KDM4C: variants seen among roughly 807,000 people sequenced by gnomAD.
KDM4C encodes lysine demethylase 4C.
KDM4C carries 81 observed loss-of-function variants against 129.3 expected under a neutral mutation model. The ratio of observed to expected loss-of-function variants is 0.63; its 90% CI spans 0.52 to 0.75. The LOEUF (loss-of-function observed/expected upper bound fraction) is 0.75. Ranked by LOEUF, KDM4C falls within the 30% of genes least tolerant of loss-of-function variation. KDM4C has a pLI of 0.00. For missense variants in KDM4C, 1,457 were observed against 1,304.0 expected (o/e 1.12, Z -1.81); for synonymous variants, 573 against 456.1 (o/e 1.26, Z -3.26).
intron 1 of KDM4C, among the ~76,000 whole-genome samples, chr9:6,781,057 A>G (rs1382170903): frequency 2.6e-5 from 4 of 151,908 alleles, no homozygotes; most frequent in African/African-American, 7.3e-5. Context: ...CCCTCATGGC[A>G]TTGTCTCTGC....
At chr9:7,076,156 G>A (rs1833886079) in intron 17 of KDM4C, among the ~76,000 whole-genome samples, 1 of 151,804 alleles carries the variant, frequency 6.6e-6, no homozygotes, top group Non-Finnish European at 1.5e-5. Flanking sequence ...CCATCCTACT[G>A]TAATAAACCA....
intron 1 of KDM4C, among the ~76,000 whole-genome samples, chr9:6,761,231 A>G (rs1435191608): frequency 6.7e-6 from 1 of 149,804 alleles, no homozygotes; most frequent in Non-Finnish European, 1.5e-5. Context: ...CTGGTCTCGA[A>G]CTCCTGACCT....
intron 1 of KDM4C, among the ~76,000 whole-genome samples, chr9:6,773,453 AT>A (rs1487940398): frequency 2.0e-5 from 3 of 152,176 alleles, no homozygotes; most frequent in African/African-American, 7.2e-5. Context: ...TTGATTGTCC[AT>A]TTAATCTGTC....
chr9:7,001,241 G>A (rs562363627), intron 12 of KDM4C, among the ~76,000 whole-genome samples: 8 of 152,222 alleles, frequency 5.3e-5, no homozygotes, highest in African/African-American at 1.7e-4. Flanking sequence ...TATGTTCTTT[G>A]TTTTGTTTTA....
At chr9:7,109,440 A>G (rs117223610) in intron 18 of KDM4C, among the ~76,000 whole-genome samples, 10 of 152,140 alleles carry the variant, frequency 6.6e-5, no homozygotes, top group African/African-American at 1.9e-4. Context: ...TCCAGAGCCT[A>G]CCCCTGATTC....
At chr9:6,949,294 G>A (rs1459147858) in intron 8 of KDM4C, among the ~76,000 whole-genome samples, 1 of 151,164 alleles carries the variant, frequency 6.6e-6, no homozygotes, top group African/African-American at 2.4e-5. Context: ...GATGATGGGT[G>A]GCCGGGCAGA....
chr9:7,083,712 TG>T (rs1244571173), intron 17 of KDM4C, among the ~76,000 whole-genome samples: 2 of 7,896 alleles, frequency 2.5e-4, no homozygotes, highest in Non-Finnish European at 4.9e-4. Context: ...ACATGACTGA[TG>T]TGTGTGTGTG....
At chr9:7,031,392 C>G (rs188511110) in intron 15 of KDM4C, among the ~76,000 whole-genome samples, 1 of 152,058 alleles carries the variant, frequency 6.6e-6, no homozygotes, top group Non-Finnish European at 1.5e-5. Context: ...AACTCCTGAC[C>G]TCTGGTGGTC....
chr9:7,083,512 C>A (rs1420969924), intron 17 of KDM4C, among the ~76,000 whole-genome samples: 1 of 152,106 alleles, frequency 6.6e-6, no homozygotes, highest in Non-Finnish European at 1.5e-5. Flanking sequence ...TATGGTATAG[C>A]CTATTGCTCC....
At position 6,905,847 on chromosome 9, in the gene KDM4C, A is replaced by C. The variant is rs952142265; in HGVS notation, c.921+12615A>C. The stretch of plus-strand genomic sequence containing the variant: ...AGACTGAAAAATGTGCTGAGCACAG[A>C]TTCTCCTTCAATTCCTATTACCCTT... On this transcript the variant is annotated intron_variant, in intron 8 of 21. Coordinates refer to ENST00000381309, the MANE Select transcript of KDM4C (RefSeq NM_015061.6). Among the ~76,000 whole-genome samples, 5 of 152,200 alleles carry C rather than the reference A, an allele frequency of 3.3e-5. No individual in the cohort carries two copies. The East Asian group carries it at 9.6e-4, about 29-fold the overall frequency.
intron 8 of KDM4C, among the ~76,000 whole-genome samples, chr9:6,894,091 T>C (rs1273289210): frequency 2.0e-5 from 3 of 152,240 alleles, no homozygotes; most frequent in African/African-American, 7.2e-5. Context: ...CAACTGAATA[T>C]CATTCATTCT....
chr9:6,732,330 A>G (rs749750209), intron 1 of KDM4C, among the ~76,000 whole-genome samples: 1 of 128,692 alleles, frequency 7.8e-6, no homozygotes, highest in Non-Finnish European at 1.6e-5. Flanking sequence ...ATGCCACTGC[A>G]CTCCAGCCTG....
intron 5 of KDM4C, among the ~76,000 whole-genome samples, chr9:6,860,332 T>C (rs112816036): frequency 0.043 from 6,520 of 152,218 alleles, 218 homozygotes; most frequent in South Asian, 0.13. Context: ...ATTTGAAGGA[T>C]TGAGTTATGT....
At chr9:7,115,517 C>T (rs1389887815) in intron 18 of KDM4C, among the ~76,000 whole-genome samples, 1 of 152,092 alleles carries the variant, frequency 6.6e-6, no homozygotes, top group African/African-American at 2.4e-5. Flanking sequence ...CATCTTGTAA[C>T]ACATAAGAGG....
In KDM4C at chr9:7,175,119, C is replaced by T. The variant is rs1247475376; in HGVS notation, c.*390C>T. On this transcript the variant is annotated 3_prime_UTR_variant, in exon 22 of 22. Coordinates refer to ENST00000381309, the MANE Select transcript of KDM4C (RefSeq NM_015061.6). Reference sequence around the variant, plus strand: ...CTCTCTCTCTAGCTCCAGCAGGTGGCACCTCGGTACCCAGCGGGTAGGGCG... The same window carrying T: ...CTCTCTCTCTAGCTCCAGCAGGTGGTACCTCGGTACCCAGCGGGTAGGGCG... 1.2e-5 allele frequency: 2 copies of T among 164,542 alleles called. No individual in the cohort carries two copies. Among genetic ancestry groups the T allele is most frequent in the Admixed American group, 1.2e-4 (2 of 16,302 alleles). 10.2% of individuals were successfully genotyped at this position (164,542 alleles called of 1,614,324 possible). A position where few individuals can be genotyped will look rare whatever the true frequency, so the allele number is the denominator to read the frequency against.
chr9:6,796,924 A>G (rs1827856124), intron 2 of KDM4C, among the ~76,000 whole-genome samples: 1 of 152,074 alleles, frequency 6.6e-6, no homozygotes, highest in Admixed American at 6.6e-5. Flanking sequence ...GCATTAATGA[A>G]GCTGGTTTGC....
chr9:7,159,669 T>G (rs1843566915), intron 19 of KDM4C, among the ~76,000 whole-genome samples: 1 of 152,256 alleles, frequency 6.6e-6, no homozygotes, highest in Non-Finnish European at 1.5e-5. Context: ...CCCCACTTTC[T>G]TCTGGCTTGT....
rs1426322832 is a variant in KDM4C at position 7,130,198 on chromosome 9, G to A, written c.2781+1962G>A. The stretch of plus-strand genomic sequence containing the variant: ...AAGACCTTTTGGTGAGGAACACTGT[G>A]GTGGTGGGATGAAAGACTTCTGAGC... On this transcript the variant is annotated intron_variant, in intron 19 of 21. Coordinates refer to ENST00000381309, the MANE Select transcript of KDM4C (RefSeq NM_015061.6). 4.6e-5 allele frequency among the ~76,000 whole-genome samples: 7 copies of A among 152,306 alleles called. No homozygotes were observed. In the South Asian group the frequency reaches 6.2e-4, roughly 14 times the overall value.
intron 1 of KDM4C, among the ~76,000 whole-genome samples, chr9:6,725,836 A>T (rs1199786156): frequency 6.7e-6 from 1 of 149,112 alleles, no homozygotes; most frequent in Non-Finnish European, 1.5e-5. Flanking sequence ...CAGCCTCCCA[A>T]GTAGCTGGGA....
Sources: gnomAD v4.1 joint callset for allele counts (sites outside exome capture counted in the v4.1 genomes callset) on GRCh38, gnomAD v4.1.1 for gene constraint, MANE v1.5 for transcripts, NCBI Gene and HGNC (gene_info 2026-07-23, HGNC 2026-07-21) for gene names.